The following SLC9A9 variants were observed in gnomAD, a reference collection of about 807,000 sequenced individuals.
SLC9A9 encodes the protein sodium/hydrogen exchanger 9.
In SLC9A9, 62 loss-of-function variants were observed where a neutral mutation model predicts 77.8. The observed-to-expected ratio is 0.80, with a 90% CI of 0.65 to 0.98. SLC9A9 has a LOEUF of 0.98. Ranked by LOEUF, SLC9A9 falls within the 50% of genes least tolerant of loss-of-function variation. The probability of loss-of-function intolerance (pLI) is 0.00; values close to 1 mark genes in which losing one functional copy is unlikely to be tolerated. For missense variants in SLC9A9, 775 were observed against 774.9 expected, an observed-to-expected ratio of 1.00 and a Z score of 0.00; for synonymous variants, 320 against 283.5, an observed-to-expected ratio of 1.13 and a Z score of -1.29.
chr3:143,757,331 G>A (rs1166644323), intron 4 of SLC9A9, among the ~76,000 whole-genome samples: 1 of 152,080 alleles, frequency 6.6e-6, no homozygotes, highest in African/African-American at 2.4e-5. Flanking sequence ...TAGGCATTAT[G>A]GAGAAATAGA....
intron 1 of SLC9A9, among the ~76,000 whole-genome samples, chr3:143,845,156 G>A (rs765930312): frequency 7.9e-5 from 12 of 152,148 alleles, no homozygotes; most frequent in Middle Eastern, 6.8e-3. Flanking sequence ...AAGAGATGGA[G>A]GTTGAATCCC....
chr3:143,832,004 A>G lies in SLC9A9; in HGVS notation c.378+15T>C, dbSNP rs2009447638. 3.7e-6 allele frequency: 6 copies of G among 1,604,510 alleles called. No homozygotes were observed. The highest frequency in any genetic ancestry group is 5.1e-6 in the Non-Finnish European group (6 of 1,173,064). ...TACTGTAAAACAAATATATAATACC[A>G]GACAGGATCCTTACCTTTTCAAGTA... On this transcript the variant is annotated intron_variant, in intron 2 of 15. Transcript: ENST00000316549.
intron 14 of SLC9A9, among the ~76,000 whole-genome samples, chr3:143,311,416 C>T (rs1422921987): frequency 6.6e-6 from 1 of 152,134 alleles, no homozygotes; most frequent in Non-Finnish European, 1.5e-5. Flanking sequence ...GGGGCCTGAA[C>T]CCAGCATTCT....
At chr3:143,298,487 C>T (rs996931576) in intron 14 of SLC9A9, among the ~76,000 whole-genome samples, 9 of 152,206 alleles carry the variant, frequency 5.9e-5, no homozygotes, top group African/African-American at 2.2e-4. Flanking sequence ...TGAGGTGTGG[C>T]AAATACATTC....
chr3:143,708,015 T>G (rs1934032818), intron 4 of SLC9A9, among the ~76,000 whole-genome samples: 2 of 152,178 alleles, frequency 1.3e-5, no homozygotes, highest in Non-Finnish European at 2.9e-5. Flanking sequence ...CCCACACAGC[T>G]GCCTGCAGGG....
intron 7 of SLC9A9, among the ~76,000 whole-genome samples, chr3:143,576,559 T>C (rs192607377): frequency 2.0e-4 from 31 of 152,276 alleles, no homozygotes; most frequent in African/African-American, 7.2e-4. Flanking sequence ...CTTGTTGCTG[T>C]TACTCACTCT....
intron 12 of SLC9A9, among the ~76,000 whole-genome samples, chr3:143,418,379 C>A (rs543140824): frequency 6.6e-6 from 1 of 151,848 alleles, no homozygotes; most frequent in Non-Finnish European, 1.5e-5. Flanking sequence ...TTTTTTGCTG[C>A]CCTTCTCCCT....
chr3:143,653,441 G>A (rs976885175), intron 5 of SLC9A9, among the ~76,000 whole-genome samples: 1 of 152,188 alleles, frequency 6.6e-6, no homozygotes, highest in African/African-American at 2.4e-5. Context: ...GATGGCAAAT[G>A]TCTAAGGCAG....
At chr3:143,693,517 T>C (rs1299407048) in intron 4 of SLC9A9, among the ~76,000 whole-genome samples, 1 of 152,138 alleles carries the variant, frequency 6.6e-6, no homozygotes, top group Non-Finnish European at 1.5e-5. Flanking sequence ...TTTATTCACT[T>C]GGTAAAAGGT....
At chr3:143,829,843 G>C (rs1576757290) in intron 2 of SLC9A9, among the ~76,000 whole-genome samples, 1 of 152,260 alleles carries the variant, frequency 6.6e-6, no homozygotes, top group East Asian at 1.9e-4. Flanking sequence ...CCCCATGTTA[G>C]CCAGGCACTT....
chr3:143,386,611 T>C (rs1439410865), intron 12 of SLC9A9, among the ~76,000 whole-genome samples: 1 of 152,198 alleles, frequency 6.6e-6, no homozygotes, highest in Non-Finnish European at 1.5e-5. Context: ...ATTATTGATA[T>C]TATTATTTTT....
intron 9 of SLC9A9, among the ~76,000 whole-genome samples, chr3:143,526,419 C>T (rs1030461088): frequency 6.6e-6 from 1 of 152,128 alleles, no homozygotes; most frequent in Non-Finnish European, 1.5e-5. Context: ...TGGTAATAGC[C>T]CAGCAATTCC....
At chr3:143,641,247 T>C (rs1233224433) in intron 6 of SLC9A9, among the ~76,000 whole-genome samples, 1 of 152,104 alleles carries the variant, frequency 6.6e-6, no homozygotes, top group South Asian at 2.1e-4. Flanking sequence ...CCATGGAAGA[T>C]ACTTTACCAG....
At chr3:143,699,311 C>A (rs1297701479) in intron 4 of SLC9A9, among the ~76,000 whole-genome samples, 1 of 143,642 alleles carries the variant, frequency 7.0e-6, no homozygotes, top group African/African-American at 2.7e-5. Context: ...ACAAATATAA[C>A]AATTTAACAA....
intron 6 of SLC9A9, among the ~76,000 whole-genome samples, chr3:143,650,253 C>A (rs1460387519): frequency 1.3e-5 from 2 of 152,058 alleles, no homozygotes; most frequent in Non-Finnish European, 2.9e-5. Context: ...CCATAGAAAA[C>A]CTTTAAATGA....
At chr3:143,718,603 C>G (rs949541630) in intron 4 of SLC9A9, among the ~76,000 whole-genome samples, 1 of 152,212 alleles carries the variant, frequency 6.6e-6, no homozygotes, top group African/African-American at 2.4e-5. Context: ...ACCTTCCTGG[C>G]CCCTTCCCAC....
chr3:143,370,029 C>T (rs114299378), intron 13 of SLC9A9, among the ~76,000 whole-genome samples: 2,776 of 152,320 alleles, frequency 0.018, 34 homozygotes, highest in South Asian at 0.072. Flanking sequence ...GACATCTTGA[C>T]TGCAACCTCA....
At chr3:143,333,251 A>C in intron 14 of SLC9A9, among the ~76,000 whole-genome samples, 2 of 116,772 alleles carry the variant, frequency 1.7e-5, no homozygotes, top group African/African-American at 3.2e-5. Context: ...CCCCCACCCA[A>C]ATCAGAGACA....
intron 12 of SLC9A9, among the ~76,000 whole-genome samples, chr3:143,434,814 C>T (rs1048905302): frequency 6.6e-6 from 1 of 152,158 alleles, no homozygotes; most frequent in African/African-American, 2.4e-5. Flanking sequence ...TCCCCATCGT[C>T]CTCCATTACC....
Sources: allele counts gnomAD v4.1 joint callset (sites outside exome capture counted in the v4.1 genomes callset), GRCh38; gene constraint gnomAD v4.1.1; transcripts MANE v1.5; gene names NCBI Gene and HGNC (gene_info 2026-07-23, HGNC 2026-07-21).